Variants in PRPSAP1 observed in about 807,000 individuals in gnomAD.
PRPSAP1 encodes phosphoribosyl pyrophosphate synthase-associated protein 1.
In PRPSAP1, 31 loss-of-function variants were observed where a neutral mutation model predicts 39.4. The observed-to-expected ratio is 0.79, with a 90% confidence interval of 0.59 to 1.06. PRPSAP1 has a LOEUF of 1.06. Among genes scored for constraint, PRPSAP1 ranks in the 50% least tolerant of loss-of-function variants. The pLI is 0.00. For synonymous variants in PRPSAP1, 212 were observed against 192.6 expected, an observed-to-expected ratio of 1.10 and a Z score of -0.83; for missense variants, 430 against 511.6, an observed-to-expected ratio of 0.84 and a Z score of 1.54.
rs35941375 is a variant in PRPSAP1 at position 76,328,790 on chromosome 17, C to A, written c.708G>T (p.Leu236=). Residue 236 remains leucine, a synonymous_variant, in exon 7 of 10, where the codon CTG becomes CTT. Coordinates refer to ENST00000446526, the MANE Select transcript of PRPSAP1 (RefSeq NM_002766.3). ...GGGAGTGACGACCATCGTCCATGTC[C>A]AGTTCCGTGCACTGAGCTTCCCCGT... ...VIHGEAQCTE[L]DMDDGRHSPP... 1.6e-4 allele frequency: 261 copies of A among 1,614,148 alleles called. 1 individual carries two copies. The African/African-American group carries it at 2.8e-3, about 17-fold the overall frequency.
At chr17:76,324,425 C>T (rs540558442) in intron 7 of PRPSAP1, among the ~76,000 whole-genome samples, 1 of 151,530 alleles carries the variant, frequency 6.6e-6, no homozygotes, top group African/African-American at 2.4e-5. Context: ...ATGGTGAAAC[C>T]CTGTCTCTAC....
chr17:76,324,140 CAA>C (rs34741154), intron 7 of PRPSAP1, among the ~76,000 whole-genome samples: 24 of 117,054 alleles, frequency 2.1e-4, no homozygotes, highest in Non-Finnish European at 1.5e-4. Flanking sequence ...GAGACTGTCT[CAA>C]AAAAAAAAAA....
chr17:76,349,822 A>C (rs1461657452), intron 1 of PRPSAP1, among the ~76,000 whole-genome samples: 1 of 152,070 alleles, frequency 6.6e-6, no homozygotes, highest in African/African-American at 2.4e-5. Context: ...GCAGTGGTTC[A>C]TGCTTGTAAT....
At chr17:76,320,052 TTGAG>T (rs1201029996) in intron 7 of PRPSAP1, among the ~76,000 whole-genome samples, 9 of 151,776 alleles carry the variant, frequency 5.9e-5, no homozygotes, top group African/African-American at 2.2e-4. Flanking sequence ...GGCGGATCAC[TTGAG>T]GTCAGGAGAT....
chr17:76,316,675 T>C (rs1019767443), intron 7 of PRPSAP1, among the ~76,000 whole-genome samples: 6 of 152,220 alleles, frequency 3.9e-5, no homozygotes, highest in Non-Finnish European at 5.9e-5. Flanking sequence ...ATCTAATCCA[T>C]GAATAAAATG....
intron 6 of PRPSAP1, 137 bp downstream of exon 6, chr17:76,329,906 T>G: frequency 1.4e-6 from 1 of 733,438 alleles, no homozygotes; most frequent in Non-Finnish European, 2.3e-6. Context: ...GCATGGGACA[T>G]GACAACGATG....
chr17:76,328,211 G>A lies in PRPSAP1; in HGVS notation c.781+506C>T, dbSNP rs145142481. Among the ~76,000 whole-genome samples the A allele has an allele frequency of 2.3e-3, 346 of 150,154 alleles. 4 individuals are homozygous for A. Among genetic ancestry groups the A allele is most frequent in the Admixed American group, 6.9e-3 (104 of 15,016 alleles). On this transcript the variant is annotated intron_variant, in intron 7 of 9. Transcript: ENST00000446526. The stretch of plus-strand genomic sequence containing the variant: ...CAAAAAAAAAAAAAAAAAGGCGGAG[G>A]ATAGCAAATACCATTCCATTATTAA...
At chr17:76,329,435 G>A (rs971666299) in intron 6 of PRPSAP1, among the ~76,000 whole-genome samples, 14 of 152,060 alleles carry the variant, frequency 9.2e-5, no homozygotes, top group African/African-American at 3.1e-4. Flanking sequence ...AAAGAACAAC[G>A]TTAAAAACCA....
At chr17:76,341,537 T>A (rs1222107305) in intron 3 of PRPSAP1, among the ~76,000 whole-genome samples, 1 of 152,182 alleles carries the variant, frequency 6.6e-6, no homozygotes. Context: ...TCACTGTACC[T>A]GGCCAACAAG....
Position 76,332,283 on chromosome 17 carries a change from G to A in PRPSAP1, c.443C>T (p.Ala148Val), listed in dbSNP as rs1446744150. The part of the protein sequence containing the change: ...KRGSIVCKLL[A>V]SMLAKAGLTH... ...CTCACCTGCTTTCGCCAGCATGGAT[G>A]CTAGCAGCTTGCACACAATGGAACC... The change falls in exon 4 of 10, where the codon GCA (alanine) becomes GTA (valine). Residue 148 changes from alanine (A) to valine (V), a missense_variant. Coordinates refer to ENST00000446526, the MANE Select transcript of PRPSAP1 (RefSeq NM_002766.3). 2 of 1,613,970 alleles carry A rather than the reference G, an allele frequency of 1.2e-6. No individual in the cohort carries two copies. Among genetic ancestry groups the A allele is most frequent in the Admixed American group, 1.7e-5 (1 of 59,992 alleles).
chr17:76,322,035 G>A (rs997844236), intron 7 of PRPSAP1, among the ~76,000 whole-genome samples: 4 of 152,178 alleles, frequency 2.6e-5, no homozygotes, highest in Non-Finnish European at 5.9e-5. Context: ...AGCAGTAAGT[G>A]CTCATGTAGA....
At chr17:76,319,168 G>A (rs948162574) in intron 7 of PRPSAP1, among the ~76,000 whole-genome samples, 2 of 151,974 alleles carry the variant, frequency 1.3e-5, no homozygotes, top group African/African-American at 2.4e-5. Context: ...TCGAACTCCT[G>A]ACCTCGTGAT....
chr17:76,341,225 C>CTT (rs1227950670), intron 3 of PRPSAP1, among the ~76,000 whole-genome samples: 2 of 122,118 alleles, frequency 1.6e-5, no homozygotes, highest in African/African-American at 3.2e-5. Context: ...AACAATTTGA[C>CTT]TTTTTTTTGT....
At chr17:76,336,294 C>T (rs974744861) in intron 3 of PRPSAP1, among the ~76,000 whole-genome samples, 5 of 151,980 alleles carry the variant, frequency 3.3e-5, no homozygotes, top group Non-Finnish European at 2.9e-5. Context: ...AAAACTTAGC[C>T]GGGCATGGTT....
intron 3 of PRPSAP1, among the ~76,000 whole-genome samples, chr17:76,341,136 G>A (rs927997670): frequency 6.6e-6 from 1 of 151,986 alleles, no homozygotes; most frequent in African/African-American, 2.4e-5. Context: ...CTCTGATCAT[G>A]CACCAACTCA....
At chr17:76,353,291 C>T (rs1169201557) in intron 1 of PRPSAP1, 45 of 486,600 alleles carry the variant, frequency 9.2e-5, no homozygotes, top group Admixed American at 3.0e-4. Flanking sequence ...GGCAGGCAGG[C>T]CGCGGACCCA....
intron 1 of PRPSAP1, among the ~76,000 whole-genome samples, chr17:76,349,597 C>A (rs1436470454): frequency 2.0e-5 from 3 of 151,676 alleles, no homozygotes; most frequent in African/African-American, 7.3e-5. Context: ...CCCATCTCTA[C>A]TAAAAATACA....
intron 7 of PRPSAP1, among the ~76,000 whole-genome samples, chr17:76,324,624 C>T (rs1242172795): frequency 6.6e-6 from 1 of 151,302 alleles, no homozygotes; most frequent in African/African-American, 2.4e-5. Context: ...AGCTATAAAA[C>T]AGCATTACAT....
intron 1 of PRPSAP1, among the ~76,000 whole-genome samples, chr17:76,349,098 G>A (rs2071541008): frequency 1.3e-5 from 2 of 152,034 alleles, no homozygotes; most frequent in African/African-American, 4.8e-5. Context: ...ATCACCTGAG[G>A]TCGGGAGTTT....
Sources: gnomAD v4.1 joint callset for allele counts (sites outside exome capture counted in the v4.1 genomes callset) on GRCh38, gnomAD v4.1.1 for gene constraint, MANE v1.5 for transcripts, NCBI Gene and HGNC (gene_info 2026-07-23, HGNC 2026-07-21) for gene names.